Variants in SLC39A14 observed in about 807,000 individuals in gnomAD.
SLC39A14 encodes solute carrier family 39 member 14, also known as metal cation symporter ZIP14.
SLC39A14 carries 19 observed loss-of-function variants against 45.5 expected under a neutral mutation model. The ratio of observed to expected loss-of-function variants is 0.42; its 90% confidence interval spans 0.29 to 0.61. The LOEUF (loss-of-function observed/expected upper bound fraction) is 0.61, where lower values mean the gene tolerates loss of function less well. Among genes scored for constraint, SLC39A14 ranks in the 20% least tolerant of loss-of-function variants. The probability of loss-of-function intolerance (pLI) is 0.22; values close to 1 mark genes in which losing one functional copy is unlikely to be tolerated. For synonymous variants in SLC39A14, 264 were observed against 251.3 expected (o/e 1.05, Z -0.48); for missense variants, 447 against 616.5 (o/e 0.73, Z 2.91).
chr8:22,412,430 C>T lies in SLC39A14; in HGVS notation c.627+224C>T, dbSNP rs555311628. Among the ~76,000 whole-genome samples the T allele has an allele frequency of 2.6e-5, 4 of 152,366 alleles. No individual in the cohort carries two copies. The South Asian group carries it at 8.3e-4, about 32-fold the overall frequency. ...AGGTTCCGTAACCCCAGGCACACCA[C>T]TGACCTCACACTGCCTCTGTTTCTT... On this transcript the variant is annotated intron_variant, in intron 4 of 8. Transcript: ENST00000381237.
In SLC39A14 at chr8:22,420,320, CT is replaced by C; in HGVS notation, c.*624del. 1.0e-6 allele frequency: 1 copy of C among 985,460 alleles called. No homozygotes were observed. Among genetic ancestry groups the C allele is most frequent in the African/African-American group, 1.7e-5 (1 of 57,360 alleles). The allele number at this position is 985,460 out of a possible 1,614,324, so 61.0% of individuals were successfully genotyped here. On this transcript the variant is annotated 3_prime_UTR_variant, in exon 9 of 9. Transcript: ENST00000381237. ...AGGAAGTCGAACCACTGCTGTGTGT[CT>C]TGTCAGGATGCTCACTTGTTCCTAC...
At chr8:22,399,257 C>A (rs1049455790) in intron 1 of SLC39A14, among the ~76,000 whole-genome samples, 1 of 152,182 alleles carries the variant, frequency 6.6e-6, no homozygotes, top group Non-Finnish European at 1.5e-5. Context: ...CCCGTCCCAG[C>A]GGCGTCAACA....
intron 1 of SLC39A14, among the ~76,000 whole-genome samples, chr8:22,399,780 C>T (rs1262098911): frequency 6.6e-6 from 1 of 152,258 alleles, no homozygotes; most frequent in African/African-American, 2.4e-5. Flanking sequence ...GTAAATGCTT[C>T]GTAGATGCTC....
chr8:22,372,709 G>C (rs139016047), intron 1 of SLC39A14, among the ~76,000 whole-genome samples: 137 of 152,176 alleles, frequency 9.0e-4, no homozygotes, highest in African/African-American at 2.9e-3. Flanking sequence ...TTCTAGATGA[G>C]TAATTCTCAA....
At chr8:22,426,395 G>A (rs1021202808), downstream of SLC39A14, among the ~76,000 whole-genome samples, 1 of 151,696 alleles carries the variant, frequency 6.6e-6, no homozygotes, top group Non-Finnish European at 1.5e-5. Flanking sequence ...GTCTCGTTAA[G>A]TTGCCCGGGC....
chr8:22,370,346 G>T (rs1324616244), intron 1 of SLC39A14, among the ~76,000 whole-genome samples: 1 of 152,216 alleles, frequency 6.6e-6, no homozygotes, highest in African/African-American at 2.4e-5. Context: ...ACACAGTAGT[G>T]TTGTGAATAG....
intron 6 of SLC39A14, 51 bp from the exon 7 acceptor site, chr8:22,416,022 A>G (rs1204790963): frequency 1.2e-6 from 2 of 1,607,926 alleles, no homozygotes; most frequent in Admixed American, 1.7e-5. Flanking sequence ...CCTTGAGGGC[A>G]CATGGTCCAG....
At chr8:22,409,810 A>G in intron 3 of SLC39A14, 1 of 840,714 alleles carries the variant, frequency 1.2e-6, no homozygotes, top group Non-Finnish European at 1.9e-6. Context: ...AGATGGACTC[A>G]GCAAATGTTT....
chr8:22,384,939 A>G (rs1377860004), intron 1 of SLC39A14, among the ~76,000 whole-genome samples: 3 of 151,042 alleles, frequency 2.0e-5, no homozygotes, highest in East Asian at 3.9e-4. Context: ...AGTCCCAGCT[A>G]TTCAGGAGGC....
intron 1 of SLC39A14, among the ~76,000 whole-genome samples, chr8:22,370,599 T>A (rs1832872499): frequency 6.6e-6 from 1 of 152,168 alleles, no homozygotes; most frequent in African/African-American, 2.4e-5. Context: ...CCAAGAGACT[T>A]GATGGAGAAG....
intron 2 of SLC39A14, among the ~76,000 whole-genome samples, chr8:22,405,672 A>C (rs1161409589): frequency 6.6e-6 from 1 of 152,020 alleles, no homozygotes. Flanking sequence ...ATTACACACT[A>C]TCCCGGGTGA....
At chr8:22,371,838 G>A (rs1020479721) in intron 1 of SLC39A14, among the ~76,000 whole-genome samples, 2 of 150,360 alleles carry the variant, frequency 1.3e-5, no homozygotes, top group Non-Finnish European at 2.9e-5. Context: ...TCTGCCTCCC[G>A]GGTTCAAGCC....
rs757721551 is a variant in SLC39A14, at chr8:22,419,727, A to G, written c.*29A>G. ...TCTGCCAAGAGCCTGTGGGACTGGA[A>G]GTCGGGCCCTGGGCTGCCCGATCGC... On this transcript the variant is annotated 3_prime_UTR_variant, in exon 9 of 9. Coordinates refer to ENST00000381237, the MANE Select transcript of SLC39A14 (RefSeq NM_001128431.4). 3 of 1,560,648 alleles carry G rather than the reference A, an allele frequency of 1.9e-6. No homozygotes were observed. The highest frequency in any genetic ancestry group is 2.6e-6 in the Non-Finnish European group (3 of 1,153,858).
At chr8:22,391,901 G>A (rs759798687) in intron 1 of SLC39A14, among the ~76,000 whole-genome samples, 3 of 152,190 alleles carry the variant, frequency 2.0e-5, no homozygotes, top group Non-Finnish European at 4.4e-5. Context: ...TTGCAGGGGC[G>A]ATGCAGGCCG....
chr8:22,369,301 G>T (rs1005749274), intron 1 of SLC39A14, among the ~76,000 whole-genome samples: 1 of 152,214 alleles, frequency 6.6e-6, no homozygotes, highest in Non-Finnish European at 1.5e-5. Context: ...CGGGAGATTC[G>T]ATCCAGGTGT....
chr8:22,402,384 C>G (rs887590902), intron 1 of SLC39A14, among the ~76,000 whole-genome samples: 2 of 149,368 alleles, frequency 1.3e-5, no homozygotes, highest in African/African-American at 4.9e-5. Context: ...GACTCCGTCT[C>G]AAAAAGAAAA....
At chr8:22,373,661 A>C (rs952417239) in intron 1 of SLC39A14, among the ~76,000 whole-genome samples, 1 of 152,298 alleles carries the variant, frequency 6.6e-6, no homozygotes, top group South Asian at 2.1e-4. Flanking sequence ...CATATAAGAC[A>C]GTAATTTCAG....
At chr8:22,400,789 C>T (rs1563548139) in intron 1 of SLC39A14, among the ~76,000 whole-genome samples, 2 of 152,178 alleles carry the variant, frequency 1.3e-5, no homozygotes, top group Non-Finnish European at 2.9e-5. Flanking sequence ...GTGTGTGCCC[C>T]AGGGCCTGTA....
Position 22,408,375 on chromosome 8 carries a change from C to T in SLC39A14, c.336C>T (p.Ser112=), listed in dbSNP as rs781664946. 2.5e-5 allele frequency: 40 copies of T among 1,614,088 alleles called. No homozygotes were observed. The highest frequency in any genetic ancestry group is 3.2e-5 in the Non-Finnish European group (38 of 1,180,038). ...NFSEQSRIGS[S]ELQEFCPTIL... ...GCGAGCAGTCGCGGATTGGGAGCAG[C>T]GAGCTCCAGGAGTTCTGCCCCACCA... Residue 112 remains serine, a synonymous_variant, in exon 3 of 9, where the codon AGC becomes AGT. Transcript: ENST00000381237.
Sources: allele counts gnomAD v4.1 joint callset (sites outside exome capture counted in the v4.1 genomes callset), GRCh38; gene constraint gnomAD v4.1.1; transcripts MANE v1.5; gene names NCBI Gene and HGNC (gene_info 2026-07-23, HGNC 2026-07-21).